DIP2C: variants seen among roughly 807,000 people sequenced by gnomAD.
DIP2C encodes disco-interacting protein 2 homolog C.
A neutral mutation model predicts 192.4 loss-of-function variants in DIP2C; 33 were observed. The observed-to-expected ratio is 0.17, with a 90% confidence interval of 0.13 to 0.23. The LOEUF (loss-of-function observed/expected upper bound fraction) is 0.23, where lower values mean the gene tolerates loss of function less well. DIP2C is among the 10% of genes least tolerant of loss of function. DIP2C has a pLI of 1.00. For missense variants in DIP2C, 1,537 were observed against 2,110.1 expected (o/e 0.73, Z 5.32); for synonymous variants, 979 against 864.1 (o/e 1.13, Z -2.33).
intron 6 of DIP2C, among the ~76,000 whole-genome samples, 197 bp from the exon 7 acceptor site, chr10:416,085 C>T (rs1438386904): frequency 1.3e-5 from 2 of 151,694 alleles, no homozygotes; most frequent in African/African-American, 2.4e-5. Context: ...AGAGATACAT[C>T]GGACCCGAAT....
chr10:479,595 A>C (rs965691491), intron 2 of DIP2C, among the ~76,000 whole-genome samples: 1 of 151,976 alleles, frequency 6.6e-6, no homozygotes, highest in Non-Finnish European at 1.5e-5. Context: ...CAGCCTCCCA[A>C]AGTGCTGGAA....
At chr10:553,601 T>A (rs934449658) in intron 1 of DIP2C, among the ~76,000 whole-genome samples, 1 of 152,244 alleles carries the variant, frequency 6.6e-6, no homozygotes, top group Non-Finnish European at 1.5e-5. Context: ...AGTATGTGCA[T>A]TGAATACTGT....
chr10:617,634 G>A (rs1166978332), intron 1 of DIP2C, among the ~76,000 whole-genome samples: 5 of 150,962 alleles, frequency 3.3e-5, no homozygotes, highest in Non-Finnish European at 2.9e-5. Flanking sequence ...CAGCCCCACT[G>A]TCCAGGCTCC....
intron 29 of DIP2C, among the ~76,000 whole-genome samples, chr10:336,870 T>TGTGTGTGTTGTGGAG (rs1957796111): frequency 6.9e-6 from 1 of 145,604 alleles, no homozygotes; most frequent in African/African-American, 2.6e-5. Flanking sequence ...CTGGTGTGTG[T>TGTGTGTGTTGTGGAG]GCGCGTGTTG....
intron 34 of DIP2C, among the ~76,000 whole-genome samples, chr10:284,541 A>G (rs535484433): frequency 1.8e-4 from 28 of 152,220 alleles, no homozygotes; most frequent in Non-Finnish European, 3.7e-4. Flanking sequence ...TGGAATCTAA[A>G]AAGCTGAGTT....
intron 1 of DIP2C, among the ~76,000 whole-genome samples, chr10:672,728 G>A (rs1167125191): frequency 6.6e-6 from 1 of 152,210 alleles, no homozygotes; most frequent in Non-Finnish European, 1.5e-5. Flanking sequence ...AACTCATTTA[G>A]AATATTTCTT....
chr10:389,547 A>T (rs1010296492), intron 13 of DIP2C, among the ~76,000 whole-genome samples: 1 of 152,186 alleles, frequency 6.6e-6, no homozygotes, highest in Non-Finnish European at 1.5e-5. Context: ...ATGTGCACCC[A>T]GGGATGAAGC....
In DIP2C at chr10:526,123, A is replaced by G. The variant is rs575992799; in HGVS notation, c.86-39593T>C. On this transcript the variant is annotated intron_variant, in intron 1 of 36. Transcript: ENST00000280886. ...GAATGAGAGAAGGGAATTACAAAGGAAAGCGTCCACCTGAAACAGGACCGA... is the reference window on the plus strand; with the variant it reads ...GAATGAGAGAAGGGAATTACAAAGGGAAGCGTCCACCTGAAACAGGACCGA... 2.1e-3 allele frequency among the ~76,000 whole-genome samples: 321 copies of G among 152,336 alleles called. 1 individual carries two copies. The highest frequency in any genetic ancestry group is 7.4e-3 in the African/African-American group (306 of 41,576).
intron 2 of DIP2C, among the ~76,000 whole-genome samples, chr10:480,468 G>A (rs972951387): frequency 1.3e-5 from 2 of 152,198 alleles, no homozygotes; most frequent in Non-Finnish European, 2.9e-5. Context: ...CATGCTCACT[G>A]GATGACGGTC....
intron 2 of DIP2C, among the ~76,000 whole-genome samples, chr10:485,138 C>T (rs905465188): frequency 3.3e-5 from 5 of 152,256 alleles, no homozygotes; most frequent in Non-Finnish European, 7.3e-5. Flanking sequence ...GCTGGAGAAC[C>T]GTCCTGGCAA....
chr10:625,094 T>G (rs1854112285), intron 1 of DIP2C, among the ~76,000 whole-genome samples: 1 of 152,208 alleles, frequency 6.6e-6, no homozygotes, highest in Non-Finnish European at 1.5e-5. Flanking sequence ...GTGCCTGATA[T>G]TAACGATGAC....
intron 31 of DIP2C, among the ~76,000 whole-genome samples, chr10:326,792 T>A (rs150220097): frequency 6.6e-6 from 1 of 152,288 alleles, no homozygotes; most frequent in African/African-American, 2.4e-5. Context: ...CAGGACAGAG[T>A]AAGTCCTATG....
chr10:686,568 CA>C (rs1461702762), intron 1 of DIP2C, among the ~76,000 whole-genome samples: 1 of 152,272 alleles, frequency 6.6e-6, no homozygotes, highest in Non-Finnish European at 1.5e-5. Flanking sequence ...CCTGGCCACA[CA>C]ACCTGAATGT....
intron 23 of DIP2C, among the ~76,000 whole-genome samples, chr10:356,935 G>A (rs954946145): frequency 2.6e-5 from 4 of 152,204 alleles, no homozygotes; most frequent in African/African-American, 9.7e-5. Flanking sequence ...GATCTATCTG[G>A]TTTTAAAAAG....
intron 9 of DIP2C, among the ~76,000 whole-genome samples, chr10:406,846 T>C (rs1363760815): frequency 1.3e-5 from 2 of 152,048 alleles, no homozygotes; most frequent in African/African-American, 4.8e-5. Flanking sequence ...GCTGGAGGTA[T>C]TCTGCAGACC....
chr10:493,500 T>C (rs1369051979), intron 1 of DIP2C, among the ~76,000 whole-genome samples: 1 of 152,162 alleles, frequency 6.6e-6, no homozygotes, highest in African/African-American at 2.4e-5. Context: ...GCTTCCATTA[T>C]TTCCAGCTGG....
intron 1 of DIP2C, among the ~76,000 whole-genome samples, chr10:579,355 T>C (rs1370187695): frequency 1.3e-5 from 2 of 151,638 alleles, no homozygotes; most frequent in South Asian, 2.1e-4. Context: ...CACACCCAAA[T>C]GTAGTGTACA....
chr10:602,411 C>T (rs989885052), intron 1 of DIP2C, among the ~76,000 whole-genome samples: 1 of 152,184 alleles, frequency 6.6e-6, no homozygotes, highest in Non-Finnish European at 1.5e-5. Flanking sequence ...ATGTCTGTCC[C>T]CAAAACCTCA....
chr10:482,024 A>AG (rs1843651032), intron 2 of DIP2C, among the ~76,000 whole-genome samples: 1 of 152,244 alleles, frequency 6.6e-6, no homozygotes, highest in Admixed American at 6.5e-5. Flanking sequence ...GTGGTATTTC[A>AG]GAGACAGGAC....
Sources: allele counts gnomAD v4.1 joint callset (sites outside exome capture counted in the v4.1 genomes callset), GRCh38; gene constraint gnomAD v4.1.1; transcripts MANE v1.5; gene names NCBI Gene and HGNC (gene_info 2026-07-23, HGNC 2026-07-21).